RADX: variants seen among roughly 807,000 people sequenced by gnomAD.
The protein encoded by RADX is RPA1 related single stranded DNA binding protein, X-linked.
In RADX, 36 loss-of-function variants were observed where a neutral mutation model predicts 61.6. The observed-to-expected ratio is 0.58, with a 90% CI of 0.45 to 0.77. The LOEUF is 0.77. Ranked by LOEUF, RADX falls within the 30% of genes least tolerant of loss-of-function variation. The pLI, the probability that RADX is intolerant of heterozygous loss-of-function variation, is 0.00. For synonymous variants in RADX, 272 were observed against 237.9 expected (o/e 1.14, Z -1.32); for missense variants, 497 against 651.1 (o/e 0.76, Z 2.58).
chrX:106,662,410 A>G (rs1462711243), intron 12 of RADX, 105 bp downstream of exon 12: 3 of 753,197 alleles, frequency 4.0e-6, no homozygotes, highest in Non-Finnish European at 5.6e-6. Context: ...CATTAAGCCC[A>G]AGGGAAGTTT....
intron 6 of RADX, among the ~76,000 whole-genome samples, chrX:106,634,472 T>C (rs1433619811): frequency 1.8e-5 from 2 of 111,489 alleles, no homozygotes; most frequent in Non-Finnish European, 3.8e-5. Flanking sequence ...AGCAATAAGA[T>C]AGACATTGTA....
At chrX:106,633,931 T>G (rs1156800603) in intron 6 of RADX, among the ~76,000 whole-genome samples, 1 of 112,025 alleles carries the variant, frequency 8.9e-6, no homozygotes. Context: ...ATAATACTTT[T>G]CAGCAGTTTC....
chrX:106,636,255 ACTTT>A (rs752609181), intron 6 of RADX, among the ~76,000 whole-genome samples: 17 of 111,498 alleles, frequency 1.5e-4, no homozygotes, highest in Non-Finnish European at 3.0e-4. Context: ...CAGCTGTTGT[ACTTT>A]CTTAAAAAAA....
rs373429502 is a variant in RADX at position 106,669,274 on chromosome X, C to T, written c.2381C>T (p.Ala794Val). The change falls in exon 13 of 14, where the codon GCA becomes GTA. Residue 794 changes from alanine to valine, a missense_variant. By Grantham distance (64) the Ala-to-Val change is moderately conservative. Around this residue, in one of 3 missense-constraint regions of RADX, gnomAD observed 267 missense variants for 306.9 expected, o/e 0.87. Coordinates refer to ENST00000372548, the MANE Select transcript of RADX (RefSeq NM_018015.6). ...TTGACCTCCATGAATTACAGCTGTG[C>T]ATATCCACAGGACACAACTGGAAAT... The part of the protein sequence containing the change: ...TLLTSMNYSC[A>V]YPQDTTGNDR... 4.2e-6 allele frequency: 5 copies of T among 1,200,957 alleles called. No homozygotes were observed. Among genetic ancestry groups the T allele is most frequent in the African/African-American group, 1.8e-5 (1 of 56,692 alleles).
intron 6 of RADX, 75 bp downstream of exon 6, chrX:106,633,327 CT>C: frequency 1.1e-6 from 1 of 893,956 alleles, no homozygotes; most frequent in Non-Finnish European, 1.6e-6. Context: ...AGTAAACTGA[CT>C]TACAGAAGTA....
intron 6 of RADX, 79 bp downstream of exon 6, chrX:106,633,331 C>G: frequency 1.1e-6 from 1 of 871,197 alleles, no homozygotes; most frequent in East Asian, 3.4e-5. Context: ...AACTGACTTA[C>G]AGAAGTAGGG....
chrX:106,672,086 C>T (rs1000712416), intron 13 of RADX, among the ~76,000 whole-genome samples: 3 of 111,603 alleles, frequency 2.7e-5, no homozygotes, highest in Non-Finnish European at 5.6e-5. Flanking sequence ...TGTCTTTTTC[C>T]AGCACTTTTA....
Position 106,647,657 on chromosome X carries a change from T to C in RADX, c.1905-656T>C, listed in dbSNP as rs186775459. 7.2e-5 allele frequency among the ~76,000 whole-genome samples: 8 copies of C among 111,397 alleles called. No homozygotes were observed. In the Admixed American group the frequency reaches 7.6e-4, roughly 11 times the overall value. ...TCCACATTCTTGTCAGCATTTGTTA[T>C]TTGCCTGTCTTTTGGATTTAAGCCA... On this transcript the variant is annotated intron_variant, in intron 10 of 13. Transcript: ENST00000372548.
chrX:106,668,308 A>G (rs946993390), intron 12 of RADX, among the ~76,000 whole-genome samples: 2 of 111,850 alleles, frequency 1.8e-5, no homozygotes, highest in East Asian at 2.8e-4. Context: ...TATCTGGGAA[A>G]GACCGAAAAG....
intron 3 of RADX, among the ~76,000 whole-genome samples, chrX:106,627,182 T>G (rs1451805457): frequency 9.0e-6 from 1 of 111,684 alleles, no homozygotes; most frequent in African/African-American, 3.3e-5. Context: ...AGATTCTGAT[T>G]TAATTACTCT....
chrX:106,627,610 T>G (rs1451322332), intron 3 of RADX, among the ~76,000 whole-genome samples: 1 of 111,141 alleles, frequency 9.0e-6, no homozygotes, highest in Non-Finnish European at 1.9e-5. Flanking sequence ...CATCTTGTTT[T>G]TCCCTATCCC....
chrX:106,611,979 G>A lies in RADX; in HGVS notation c.-102G>A. 1.1e-6 allele frequency: 1 copy of A among 911,500 alleles called. No individual in the cohort carries two copies. Among genetic ancestry groups the A allele is most frequent in the South Asian group, 2.4e-5 (1 of 42,345 alleles). 75.1% of individuals were successfully genotyped at this position (911,500 alleles called of 1,213,427 possible). On this transcript the variant is annotated 5_prime_UTR_variant, in exon 1 of 14. Transcript: ENST00000372548. ...GGCGGAGTCTTGCCTGTCAGCAGGG[G>A]CAGAGTAGCGATCGTCGCCAAAGCG...
chrX:106,634,175 C>T (rs1456603608), intron 6 of RADX, among the ~76,000 whole-genome samples: 1 of 111,238 alleles, frequency 9.0e-6, no homozygotes, highest in Non-Finnish European at 1.9e-5. Flanking sequence ...CTCACTCTGT[C>T]GCCCAGGCTA....
intron 10 of RADX, among the ~76,000 whole-genome samples, chrX:106,643,933 A>G (rs1927592257): frequency 9.0e-6 from 1 of 111,209 alleles, no homozygotes; most frequent in Non-Finnish European, 1.9e-5. Flanking sequence ...TCCATTTTTG[A>G]ATGTCCTCTT....
At chrX:106,633,066 A>G in intron 5 of RADX, 43 bp downstream of exon 5, 1 of 1,173,071 alleles carries the variant, frequency 8.5e-7, no homozygotes, top group Non-Finnish European at 1.2e-6. Context: ...ATTTCAGTGA[A>G]TAATTTTGTG....
intron 10 of RADX, 21 bp downstream of exon 10, chrX:106,640,742 A>G: frequency 9.4e-7 from 1 of 1,060,552 alleles, no homozygotes; most frequent in Non-Finnish European, 1.3e-6. Flanking sequence ...TGTATTAAGT[A>G]TATGTAAAGT....
At chrX:106,674,978 C>G (rs1321936010) in intron 13 of RADX, among the ~76,000 whole-genome samples, 4 of 104,782 alleles carry the variant, frequency 3.8e-5, no homozygotes, top group Non-Finnish European at 5.9e-5. Context: ...GAGCCGAGAT[C>G]TCACCACTGC....
intron 1 of RADX, among the ~76,000 whole-genome samples, chrX:106,620,674 A>C (rs915823375): frequency 9.0e-6 from 1 of 111,302 alleles, no homozygotes; most frequent in African/African-American, 3.3e-5. Context: ...ACTCCATCTT[A>C]ACAAAAGAAA....
In RADX at chrX:106,627,919, T is replaced by C. The variant is rs768124725; in HGVS notation, c.979+2637T>C. Among the ~76,000 whole-genome samples, 239 of 111,906 alleles carry C rather than the reference T, an allele frequency of 2.1e-3. 3 individuals are homozygous for C. The highest frequency in any genetic ancestry group is 7.3e-3 in the African/African-American group (225 of 30,783). ...TGTGCAATCTCGGCTCACTGCAACC[T>C]CCACCTCCTGGGTTCCAGCGATTCT... is the stretch of plus-strand genomic sequence containing the variant. On this transcript the variant is annotated intron_variant, in intron 3 of 13. Transcript: ENST00000372548.
Sources: gnomAD v4.1 joint callset for allele counts (sites outside exome capture counted in the v4.1 genomes callset) on GRCh38, gnomAD v4.1.1 for gene constraint, gnomAD v4.1.1 regional missense constraint, MANE v1.5 for transcripts, NCBI Gene and HGNC (gene_info 2026-07-23, HGNC 2026-07-21) for gene names.